KCNAB2: variants seen among roughly 807,000 people sequenced by gnomAD.
KCNAB2 encodes potassium voltage-gated channel subfamily A regulatory beta subunit 2, also known as voltage-gated potassium channel subunit beta-2.
KCNAB2 carries 29 observed loss-of-function variants against 63.6 expected under a neutral mutation model. The ratio of observed to expected loss-of-function variants is 0.46; its 90% CI spans 0.34 to 0.62. The LOEUF (loss-of-function observed/expected upper bound fraction) is 0.62. Ranked by LOEUF, KCNAB2 falls within the 20% of genes least tolerant of loss-of-function variation. The pLI, the probability that KCNAB2 is intolerant of heterozygous loss-of-function variation, is 0.01. For synonymous variants in KCNAB2, 222 were observed against 224.2 expected (o/e 0.99, Z 0.09); for missense variants, 359 against 563.9 (o/e 0.64, Z 3.68).
chr1:6,082,338 G>A (rs1664280430), intron 5 of KCNAB2, 64 bp downstream of exon 5: 1 of 1,273,294 alleles, frequency 7.9e-7, no homozygotes, highest in Non-Finnish European at 1.1e-6. Flanking sequence ...GAGCTACAGG[G>A]ATTCCTGCCG....
rs11585078 is a variant in KCNAB2 at position 6,035,029 on chromosome 1, C to T, written c.-53+235C>T. ...GGGAGTGTGGGGGAGACGGGGACTG[C>T]GATGAAAGGGAGGCGTCCAGGGAAG... On this transcript the variant is annotated intron_variant, in intron 1 of 15. Coordinates refer to the KCNAB2 transcript ENST00000164247. The surrounding 1 kb of genome is among the most constrained non-coding windows in gnomAD (Gnocchi z 5.0). Among the ~76,000 whole-genome samples, 17,550 of 151,984 alleles carry T rather than the reference C, an allele frequency of 0.12. 1,391 individuals carry two copies. The highest frequency in any genetic ancestry group is 0.31 in the East Asian group (1,612 of 5,152).
chr1:6,000,122 G>A (rs1025162144), intron 1 of KCNAB2, among the ~76,000 whole-genome samples: 8 of 152,160 alleles, frequency 5.3e-5, no homozygotes, highest in Non-Finnish European at 8.8e-5. Context: ...CCCTACCTGT[G>A]CCCTGTCTGT....
Position 6,073,793 on chromosome 1 carries a change from C to T in KCNAB2, c.300+23C>T, listed in dbSNP as rs935747836. The T allele has an allele frequency of 1.4e-5, 22 of 1,612,982 alleles. No individual in the cohort carries two copies. Among genetic ancestry groups the T allele is most frequent in the Non-Finnish European group, 1.9e-5 (22 of 1,179,010 alleles). ...GAGGTAAGATGGGGCTCTCCCAGCA[C>T]CCCAGAACCCAGCACGGGCTCGCCA... On this transcript the variant is annotated intron_variant, in intron 4 of 15. Coordinates refer to ENST00000378083, the MANE Select transcript of KCNAB2 (RefSeq NM_001199862.2). The surrounding 1 kb of genome is among the most constrained non-coding windows in gnomAD (Gnocchi z 5.7).
chr1:6,090,713 C>A (rs770893827), intron 9 of KCNAB2, among the ~76,000 whole-genome samples: 1 of 152,190 alleles, frequency 6.6e-6, no homozygotes, highest in African/African-American at 2.4e-5. Flanking sequence ...GAGTCCCTGT[C>A]CTGGCTTTGG....
At position 6,099,882 on chromosome 1, in the gene KCNAB2, G is replaced by A. The variant is rs768775591; in HGVS notation, c.*1308G>A. The A allele has an allele frequency of 5.8e-6, 9 of 1,550,112 alleles. No homozygotes were observed. In the Admixed American group the frequency reaches 7.8e-5, roughly 14 times the overall value. Reference sequence around the variant, plus strand: ...ACGCCCCCGTGCAGCTTGGGCCGGAGGGCAAGGGATGCCAGTAAGTCTGCA... The same window carrying A: ...ACGCCCCCGTGCAGCTTGGGCCGGAAGGCAAGGGATGCCAGTAAGTCTGCA... On this transcript the variant is annotated 3_prime_UTR_variant, in exon 16 of 16. Coordinates refer to ENST00000378083, the MANE Select transcript of KCNAB2 (RefSeq NM_001199862.2).
In KCNAB2 at chr1:6,096,132, A is replaced by ATGAG; in HGVS notation, c.949-504_949-503insTGAG. The ATGAG allele has an allele frequency of 2.2e-6, 1 of 457,340 alleles. No individual in the cohort carries two copies. Among genetic ancestry groups the ATGAG allele is most frequent in the Non-Finnish European group, 4.4e-6 (1 of 227,694 alleles). The allele number at this position is 457,340 out of a possible 1,614,324, so 28.3% of individuals were successfully genotyped here. On this transcript the variant is annotated intron_variant, in intron 13 of 15. Coordinates refer to ENST00000378083, the MANE Select transcript of KCNAB2 (RefSeq NM_001199862.2). The surrounding 1 kb of genome is among the most constrained non-coding windows in gnomAD (Gnocchi z 5.9). ...GAAAGTCTGCCCAGCCAGCAGTCTC[A>ATGAG]GCACTGGGGCCCACAGCCCTGGGTT...
At chr1:6,004,715 A>T (rs541687195) in intron 1 of KCNAB2, among the ~76,000 whole-genome samples, 2 of 152,030 alleles carry the variant, frequency 1.3e-5, no homozygotes, top group East Asian at 1.9e-4. Context: ...CCTTAATTAC[A>T]TCTGCAAAAA....
chr1:6,073,652 T>C lies in KCNAB2; in HGVS notation c.263-81T>C, dbSNP rs542203518. 2.2e-6 allele frequency: 3 copies of C among 1,389,210 alleles called. No homozygotes were observed. Among genetic ancestry groups the C allele is most frequent in the African/African-American group, 2.8e-5 (2 of 70,452 alleles). 86.1% of individuals were successfully genotyped at this position (1,389,210 alleles called of 1,614,324 possible). A position where few individuals can be genotyped will look rare whatever the true frequency, so the allele number is the denominator to read the frequency against. ...ACACCTGTGGCTGCCCCCTGTGCCC[T>C]ACAGCCTGAGGTCTGAGCACCGACG... On this transcript the variant is annotated intron_variant, in intron 3 of 15. Transcript: ENST00000378083. The surrounding 1 kb of genome is among the most constrained non-coding windows in gnomAD (Gnocchi z 5.7).
Position 6,028,405 on chromosome 1 carries a change from G to A in KCNAB2, c.-52-12112G>A, listed in dbSNP as rs973669987. 7.2e-5 allele frequency among the ~76,000 whole-genome samples: 11 copies of A among 152,192 alleles called. No homozygotes were observed. Among genetic ancestry groups the A allele is most frequent in the African/African-American group, 1.7e-4 (7 of 41,456 alleles). ...CAGTAGTCACGGCAGATACTTCGGG[G>A]GCTTGGCAGGGGGGACCTCCGGGGT... On this transcript the variant is annotated intron_variant, in intron 1 of 16. Coordinates refer to the KCNAB2 transcript ENST00000341524. The surrounding 1 kb of genome is among the most constrained non-coding windows in gnomAD (Gnocchi z 4.0).
At chr1:6,085,792 G>C in intron 6 of KCNAB2, 1 of 969,124 alleles carries the variant, frequency 1.0e-6, no homozygotes, top group Non-Finnish European at 1.2e-6. Context: ...ATCTGTAAGA[G>C]GGTGTGTGTG....
chr1:6,089,118 T>A, intron 8 of KCNAB2, 67 bp downstream of exon 8: 2 of 1,480,352 alleles, frequency 1.4e-6, no homozygotes, highest in Non-Finnish European at 1.8e-6. Context: ...GCCAAAGTGA[T>A]GGCAGCACAG....
At chr1:6,067,517 C>G (rs1198403537) in intron 2 of KCNAB2, among the ~76,000 whole-genome samples, 1 of 152,228 alleles carries the variant, frequency 6.6e-6, no homozygotes, top group Non-Finnish European at 1.5e-5. Flanking sequence ...ACCGTGTCAT[C>G]TAAGCCAACC....
chr1:6,089,122 A>G (rs1664959126), intron 8 of KCNAB2, 71 bp downstream of exon 8: 1 of 1,461,650 alleles, frequency 6.8e-7, no homozygotes, highest in African/African-American at 1.4e-5. Context: ...AAGTGATGGC[A>G]GCACAGGGCC....
intron 1 of KCNAB2, among the ~76,000 whole-genome samples, chr1:5,998,079 G>T (rs1412063136): frequency 6.6e-6 from 1 of 152,246 alleles, no homozygotes; most frequent in East Asian, 1.9e-4. Flanking sequence ...GGTTGTGATA[G>T]GCAGAGCTAG....
At chr1:6,040,661 C>G (rs1411935770) in intron 2 of KCNAB2, 1 of 1,532,614 alleles carries the variant, frequency 6.5e-7, no homozygotes, top group African/African-American at 1.4e-5. Flanking sequence ...CCCCTGCCCC[C>G]TCACCCAGGC....
intron 1 of KCNAB2, among the ~76,000 whole-genome samples, chr1:6,008,224 G>A (rs1011044097): frequency 1.3e-5 from 2 of 152,188 alleles, no homozygotes; most frequent in African/African-American, 4.8e-5. Flanking sequence ...GTCCCCCATG[G>A]CAGAAAGGAC....
intron 1 of KCNAB2, among the ~76,000 whole-genome samples, chr1:6,048,762 T>A (rs905305921): frequency 6.6e-6 from 1 of 152,132 alleles, no homozygotes; most frequent in African/African-American, 2.4e-5. Flanking sequence ...GAAGTGAGGG[T>A]TGGCCCCCAT....
At chr1:6,022,603 C>T (rs1195407500) in intron 1 of KCNAB2, among the ~76,000 whole-genome samples, 1 of 152,126 alleles carries the variant, frequency 6.6e-6, no homozygotes, top group Non-Finnish European at 1.5e-5. Context: ...CCTTTTTATT[C>T]TCCCAAACTG....
chr1:6,057,776 C>T (rs370101909), intron 2 of KCNAB2, among the ~76,000 whole-genome samples: 1 of 152,110 alleles, frequency 6.6e-6, no homozygotes, highest in Non-Finnish European at 1.5e-5. Flanking sequence ...GTGGCCACAT[C>T]GCTCCAACCT....
Sources: gnomAD v4.1 joint callset for allele counts (sites outside exome capture counted in the v4.1 genomes callset) on GRCh38, gnomAD v4.1.1 for gene constraint, Gnocchi (gnomAD v3.1) non-coding constraint, MANE v1.5 for transcripts, NCBI Gene and HGNC (gene_info 2026-07-23, HGNC 2026-07-21) for gene names.